Variants in SLC10A7 observed in about 807,000 individuals in gnomAD.
The protein encoded by SLC10A7 is sodium/bile acid cotransporter 7.
SLC10A7 carries 29 observed loss-of-function variants against 43.2 expected under a neutral mutation model. The observed-to-expected ratio is 0.67, with a 90% CI of 0.50 to 0.92. The LOEUF is 0.92. Among genes scored for constraint, SLC10A7 ranks in the 40% least tolerant of loss-of-function variants. The pLI, the probability that SLC10A7 is intolerant of heterozygous loss-of-function variation, is 0.00. For missense variants in SLC10A7, 295 were observed against 403.2 expected (o/e 0.73, Z 2.30); for synonymous variants, 152 against 144.8 (o/e 1.05, Z -0.35).
At chr4:146,404,316 G>A (rs1162998445) in intron 5 of SLC10A7, among the ~76,000 whole-genome samples, 2 of 152,084 alleles carry the variant, frequency 1.3e-5, no homozygotes, top group African/African-American at 4.8e-5. Flanking sequence ...CACCATGCTT[G>A]ACCAACAGTA....
At chr4:146,323,033 T>C (rs1426545978) in intron 6 of SLC10A7, among the ~76,000 whole-genome samples, 1 of 152,244 alleles carries the variant, frequency 6.6e-6, no homozygotes, top group Non-Finnish European at 1.5e-5. Flanking sequence ...CTGAGAAATG[T>C]CTGTTGATAT....
chr4:146,443,362 G>A (rs1240629936), intron 4 of SLC10A7, among the ~76,000 whole-genome samples: 1 of 152,006 alleles, frequency 6.6e-6, no homozygotes, highest in Non-Finnish European at 1.5e-5. Context: ...CTAAGGTAAA[G>A]AAAAGCAAGA....
At chr4:146,508,740 G>A (rs1737157996) in intron 3 of SLC10A7, among the ~76,000 whole-genome samples, 1 of 151,990 alleles carries the variant, frequency 6.6e-6, no homozygotes, top group Non-Finnish European at 1.5e-5. Context: ...TTTCTCTCAG[G>A]CCCCTCTACT....
Position 146,262,878 on chromosome 4 carries a change from C to T in SLC10A7, c.848-4041G>A, listed in dbSNP as rs191936586. Among the ~76,000 whole-genome samples the T allele has an allele frequency of 4.5e-4, 69 of 152,308 alleles. 1 individual carries two copies. Among genetic ancestry groups the T allele is most frequent in the Non-Finnish European group, 1.8e-4 (12 of 68,020 alleles). ...GTGCAAATCTGATCGTGTCACATCA[C>T]GCAGAAGTGTATCACACAGGAGAGA... On this transcript the variant is annotated intron_variant, in intron 10 of 11. Coordinates refer to ENST00000335472, the MANE Select transcript of SLC10A7 (RefSeq NM_001029998.6).
chr4:146,276,205 A>G (rs1180627585), intron 10 of SLC10A7, among the ~76,000 whole-genome samples: 1 of 152,194 alleles, frequency 6.6e-6, no homozygotes, highest in Non-Finnish European at 1.5e-5. Context: ...GAATTTCTGT[A>G]TTCATTATGC....
rs79504192 is a variant in SLC10A7, at chr4:146,512,698, T to C, written c.184-2649A>G. ...GAGCACCTGGCACCATTCTAGGTAC[T>C]TGGAATATCTGTTACAACTTAAACT... On this transcript the variant is annotated intron_variant, in intron 2 of 11. Transcript: ENST00000335472. Among the ~76,000 whole-genome samples the C allele has an allele frequency of 1.5e-3, 226 of 152,340 alleles. 2 individuals are homozygous for C. In the South Asian group the frequency reaches 0.025, roughly 17 times the overall value.
intron 5 of SLC10A7, among the ~76,000 whole-genome samples, chr4:146,327,951 G>C (rs1464432350): frequency 2.6e-5 from 4 of 152,186 alleles, no homozygotes; most frequent in Non-Finnish European, 4.4e-5. Flanking sequence ...GGCACCGTCT[G>C]CAGACCAGAG....
chr4:146,311,892 T>C (rs780201782), intron 6 of SLC10A7, among the ~76,000 whole-genome samples: 1 of 152,158 alleles, frequency 6.6e-6, no homozygotes, highest in African/African-American at 2.4e-5. Flanking sequence ...CCCCTCCCTA[T>C]ACACGATATA....
At chr4:146,493,246 GTGT>G (rs1456541280) in intron 4 of SLC10A7, among the ~76,000 whole-genome samples, 6 of 152,328 alleles carry the variant, frequency 3.9e-5, no homozygotes, top group African/African-American at 1.4e-4. Context: ...AGTTAGAAGT[GTGT>G]TGTTGTTTAG....
chr4:146,400,069 G>A (rs975328423), intron 5 of SLC10A7, among the ~76,000 whole-genome samples: 1 of 152,104 alleles, frequency 6.6e-6, no homozygotes, highest in Non-Finnish European at 1.5e-5. Context: ...ACCTATGTAG[G>A]GAATTGAGAA....
At chr4:146,455,676 C>T (rs915568464) in intron 4 of SLC10A7, among the ~76,000 whole-genome samples, 2 of 151,844 alleles carry the variant, frequency 1.3e-5, no homozygotes, top group South Asian at 2.1e-4. Flanking sequence ...CAATGGACTT[C>T]GCAGATCATC....
intron 5 of SLC10A7, among the ~76,000 whole-genome samples, chr4:146,428,925 C>G (rs920188774): frequency 7.2e-5 from 11 of 151,970 alleles, no homozygotes; most frequent in Admixed American, 7.2e-4. Context: ...GTAAAACTTC[C>G]TGATATTTAA....
chr4:146,275,851 T>C (rs975432061), intron 10 of SLC10A7, among the ~76,000 whole-genome samples: 1 of 150,754 alleles, frequency 6.6e-6, no homozygotes, highest in East Asian at 2.0e-4. Context: ...ACCTACCCTA[T>C]AAAATGGCAG....
At chr4:146,422,190 C>A (rs192132891) in intron 5 of SLC10A7, among the ~76,000 whole-genome samples, 1 of 151,936 alleles carries the variant, frequency 6.6e-6, no homozygotes, top group East Asian at 1.9e-4. Flanking sequence ...AGAAATAAAA[C>A]GCTCTAGGAA....
chr4:146,407,739 A>G (rs1030379154), intron 5 of SLC10A7, among the ~76,000 whole-genome samples: 35 of 152,218 alleles, frequency 2.3e-4, no homozygotes, highest in Middle Eastern at 3.2e-3. Flanking sequence ...TCTTTGGGAC[A>G]ACAATATGCC....
intron 4 of SLC10A7, among the ~76,000 whole-genome samples, chr4:146,480,423 G>C (rs888562829): frequency 6.6e-6 from 1 of 152,096 alleles, no homozygotes; most frequent in Non-Finnish European, 1.5e-5. Flanking sequence ...TCGTGTAAAA[G>C]ATGTCCCAAG....
At chr4:146,480,877 C>T (rs965714770) in intron 4 of SLC10A7, among the ~76,000 whole-genome samples, 3 of 152,158 alleles carry the variant, frequency 2.0e-5, no homozygotes, top group African/African-American at 7.2e-5. Flanking sequence ...GAATAAGCAA[C>T]TGCATATTTA....
chr4:146,408,769 A>C (rs991135513), intron 5 of SLC10A7: 2 of 152,104 alleles, frequency 1.3e-5, no homozygotes, highest in African/African-American at 4.8e-5. Context: ...GCTTTGTAGG[A>C]ATATCAACCC....
chr4:146,450,524 C>T (rs1321173486), intron 4 of SLC10A7, among the ~76,000 whole-genome samples: 1 of 152,132 alleles, frequency 6.6e-6, no homozygotes, highest in Non-Finnish European at 1.5e-5. Context: ...TGAGTTGATG[C>T]TGCACTCATG....
Sources: gnomAD v4.1 joint callset for allele counts (sites outside exome capture counted in the v4.1 genomes callset) on GRCh38, gnomAD v4.1.1 for gene constraint, MANE v1.5 for transcripts, NCBI Gene and HGNC (gene_info 2026-07-23, HGNC 2026-07-21) for gene names.